The following SMG6 variants were observed in gnomAD, a reference collection of about 807,000 sequenced individuals.
The protein encoded by SMG6 is telomerase-binding protein EST1A.
A neutral mutation model predicts 142.2 loss-of-function variants in SMG6; 66 were observed. The observed-to-expected ratio is 0.46, with a 90% CI of 0.38 to 0.57. The LOEUF (loss-of-function observed/expected upper bound fraction) is 0.57. Ranked by LOEUF, SMG6 falls within the 20% of genes least tolerant of loss-of-function variation. The probability of loss-of-function intolerance (pLI) is 0.00; values close to 1 mark genes in which losing one functional copy is unlikely to be tolerated. For synonymous variants in SMG6, 779 were observed against 702.4 expected, an observed-to-expected ratio of 1.11 and a Z score of -1.72; for missense variants, 1,793 against 1,832.0, an observed-to-expected ratio of 0.98 and a Z score of 0.39.
chr17:2,194,196 G>A lies in SMG6; in HGVS notation c.2870-5681C>T, dbSNP rs993083027. Among the ~76,000 whole-genome samples, 14 of 152,338 alleles carry A rather than the reference G, an allele frequency of 9.2e-5. No individual in the cohort carries two copies. In the East Asian group the frequency reaches 2.7e-3, roughly 29 times the overall value. On this transcript the variant is annotated intron_variant, in intron 10 of 18. Coordinates refer to ENST00000263073, the MANE Select transcript of SMG6 (RefSeq NM_017575.5). ...CTTGAGGCACGCAAGTACTGTGTGT[G>A]CTGTGCTCTACCTGGAACCACAAAG... is the stretch of plus-strand genomic sequence containing the variant.
chr17:2,091,940 C>G (rs2068735943), intron 13 of SMG6, among the ~76,000 whole-genome samples: 1 of 151,688 alleles, frequency 6.6e-6, no homozygotes, highest in African/African-American at 2.4e-5. Flanking sequence ...CCTTGGCCAA[C>G]CAAAGTGCTG....
intron 8 of SMG6, among the ~76,000 whole-genome samples, chr17:2,254,924 G>A (rs1034417272): frequency 1.3e-5 from 2 of 152,208 alleles, no homozygotes; most frequent in African/African-American, 4.8e-5. Context: ...GTTGAAAAGT[G>A]AGGGTTGAAG....
chr17:2,066,259 C>T (rs560515039), intron 16 of SMG6, among the ~76,000 whole-genome samples: 9 of 151,764 alleles, frequency 5.9e-5, no homozygotes, highest in Non-Finnish European at 7.4e-5. Flanking sequence ...TGTGTGTGCG[C>T]GCACGTGTAT....
At chr17:2,195,204 T>TG (rs1309008817) in intron 10 of SMG6, among the ~76,000 whole-genome samples, 1 of 152,224 alleles carries the variant, frequency 6.6e-6, no homozygotes, top group African/African-American at 2.4e-5. Flanking sequence ...GAATCCCTCA[T>TG]GACATCATAA....
At chr17:2,157,061 C>G (rs1223959489) in intron 13 of SMG6, among the ~76,000 whole-genome samples, 1 of 152,160 alleles carries the variant, frequency 6.6e-6, no homozygotes, top group African/African-American at 2.4e-5. Flanking sequence ...ACCCTCCCTC[C>G]TCCTAAGGGT....
intron 13 of SMG6, among the ~76,000 whole-genome samples, chr17:2,086,666 A>C (rs2068569707): frequency 6.6e-6 from 1 of 152,210 alleles, no homozygotes; most frequent in African/African-American, 2.4e-5. Context: ...AGCAACAGTC[A>C]AATGTGTAAG....
At chr17:2,185,237 G>A (rs571422875) in intron 12 of SMG6, among the ~76,000 whole-genome samples, 3 of 152,168 alleles carry the variant, frequency 2.0e-5, no homozygotes, top group South Asian at 2.1e-4. Context: ...CCAGGCACAC[G>A]GAAAGACCCC....
chr17:2,061,553 A>G lies in SMG6; in HGVS notation c.4199T>C (p.Leu1400Pro). ...TDDRNLRVKA[L>P]TRNVPVRDIP... ...GTCCCGTACAGGAACATTCCTTGTG[A>G]GCGCCTTCACACGCAGGTTCCGGTC... Residue 1400 changes from leucine to proline, a missense_variant, in exon 19 of 19, where the codon CTC becomes CCC. Physicochemically the swap from Leu to Pro is moderately conservative, Grantham distance 98. Around this residue, in one of 3 missense-constraint regions of SMG6, gnomAD observed 179 missense variants for 212.6 expected, o/e 0.84. Transcript: ENST00000263073. 6.4e-7 allele frequency: 1 copy of G among 1,573,448 alleles called. No individual in the cohort carries two copies. The highest frequency in any genetic ancestry group is 1.7e-4 in the Middle Eastern group (1 of 6,006).
At chr17:2,303,157 C>T (rs2075323222) in intron 1 of SMG6, 3 of 985,484 alleles carry the variant, frequency 3.0e-6, no homozygotes, top group Non-Finnish European at 3.6e-6. Context: ...GGAAGCCTGT[C>T]TTGGGGGGGA....
intron 15 of SMG6, among the ~76,000 whole-genome samples, chr17:2,079,728 G>A (rs561552047): frequency 6.6e-6 from 1 of 152,188 alleles, no homozygotes; most frequent in Non-Finnish European, 1.5e-5. Flanking sequence ...GGATGATGCT[G>A]GTAGAGGTAT....
chr17:2,159,731 GTA>G (rs2071116084), intron 13 of SMG6, among the ~76,000 whole-genome samples: 1 of 152,106 alleles, frequency 6.6e-6, no homozygotes, highest in Non-Finnish European at 1.5e-5. Flanking sequence ...AATGTTCACA[GTA>G]TCTTTTTCAT....
intron 13 of SMG6, among the ~76,000 whole-genome samples, chr17:2,160,174 A>G (rs569047289): frequency 1.1e-3 from 175 of 152,284 alleles, no homozygotes; most frequent in Admixed American, 2.6e-3. Flanking sequence ...ATGTAAATAT[A>G]TATTAGTAAG....
intron 9 of SMG6, chr17:2,237,423 G>T: frequency 1.4e-6 from 1 of 722,528 alleles, no homozygotes; most frequent in Non-Finnish European, 1.7e-6. Context: ...TTCTGCTATT[G>T]TCTTCTGAGG....
At position 2,284,023 on chromosome 17, in the gene SMG6, CTT is replaced by C. The variant is rs144698603; in HGVS notation, c.2338-290_2338-289del. ...CTTAAAATATAAACAGAAATTACAT[CTT>C]GTTCTTAGAAAAAGCATGATGTTCA... On this transcript the variant is annotated intron_variant, in intron 6 of 18. Coordinates refer to ENST00000263073, the MANE Select transcript of SMG6 (RefSeq NM_017575.5). 7.2e-3 allele frequency among the ~76,000 whole-genome samples: 1,103 copies of C among 152,296 alleles called. 11 individuals are homozygous for C. Among genetic ancestry groups the C allele is most frequent in the Middle Eastern group, 0.027 (8 of 294 alleles).
chr17:2,165,045 G>C (rs994338842), intron 13 of SMG6, among the ~76,000 whole-genome samples: 2 of 152,178 alleles, frequency 1.3e-5, no homozygotes, highest in African/African-American at 4.8e-5. Flanking sequence ...TTGGGGTGGG[G>C]GTGTTACTTT....
intron 14 of SMG6, among the ~76,000 whole-genome samples, chr17:2,084,742 C>T (rs1338940108): frequency 6.6e-6 from 1 of 152,220 alleles, no homozygotes; most frequent in Non-Finnish European, 1.5e-5. Context: ...CCCTTAGTCC[C>T]ATGTTCCTTC....
intron 13 of SMG6, among the ~76,000 whole-genome samples, chr17:2,091,827 C>T (rs988628396): frequency 1.4e-4 from 19 of 139,854 alleles, no homozygotes; most frequent in Admixed American, 5.2e-4. Flanking sequence ...CCCGCCACCA[C>T]GCCCAGCTAA....
At chr17:2,233,555 AAC>A (rs922828768) in intron 10 of SMG6, 1 of 152,206 alleles carries the variant, frequency 6.6e-6, no homozygotes, top group African/African-American at 2.4e-5. Flanking sequence ...TTGGGGGTTG[AAC>A]ACACAGCGCT....
chr17:2,065,024 A>T (rs929692290), intron 18 of SMG6, 49 bp downstream of exon 18: 46 of 1,423,168 alleles, frequency 3.2e-5, no homozygotes, highest in Non-Finnish European at 4.5e-5. Context: ...GGGTAGGATG[A>T]GGTAGGGCAG....
Sources: allele counts gnomAD v4.1 joint callset (sites outside exome capture counted in the v4.1 genomes callset), GRCh38; gene constraint gnomAD v4.1.1; regional missense constraint gnomAD v4.1.1; transcripts MANE v1.5; gene names NCBI Gene and HGNC (gene_info 2026-07-23, HGNC 2026-07-21).